ZNF230: variants seen among roughly 807,000 people sequenced by gnomAD.
ZNF230 encodes the protein zinc finger protein FDZF2.
A neutral mutation model predicts 10.0 loss-of-function variants in ZNF230; 12 were observed. The ratio of observed to expected loss-of-function variants is 1.20; its 90% CI spans 0.77 to 1.95. The LOEUF (loss-of-function observed/expected upper bound fraction) is 1.95, where lower values mean the gene tolerates loss of function less well. Among genes scored for constraint, ZNF230 ranks in the 30% most tolerant of loss-of-function variants. ZNF230 has a pLI of 0.00. For missense variants in ZNF230, 532 were observed against 565.8 expected (o/e 0.94, Z 0.61); for synonymous variants, 174 against 193.6 (o/e 0.90, Z 0.84).
chr19:44,003,368 T>C (rs1290348341), intron 1 of ZNF230: 4 of 152,246 alleles, frequency 2.6e-5, no homozygotes, highest in Non-Finnish European at 5.9e-5. Flanking sequence ...ATTAGAACCA[T>C]CCTAGTAGAA....
In ZNF230 at chr19:44,010,598, CAG is replaced by C. The variant is rs1334050515; in HGVS notation, c.564_565del (p.Arg188SerfsTer9). On this transcript the variant is annotated frameshift_variant, in exon 5 of 5. Coordinates refer to ENST00000429154, the MANE Select transcript of ZNF230 (RefSeq NM_006300.4). LOFTEE classifies it low-confidence loss of function (END_TRUNC). ...TTACATCTCAGCTCTTCGTATTCACCAGAGAGTTCACTTGAGAGAGAAACTCT... is the reference window on the plus strand; with the variant it reads ...TTACATCTCAGCTCTTCGTATTCACCAGAGTTCACTTGAGAGAGAAACTCT... ...FCYISALRIH[Q>X]RVHLREKLSK... 2 of 1,614,196 alleles carry C rather than the reference CAG, an allele frequency of 1.2e-6. No homozygotes were observed. Among genetic ancestry groups the C allele is most frequent in the East Asian group, 2.2e-5 (1 of 44,888 alleles).
rs1288422639 is a variant in ZNF230 at position 44,012,713 on chromosome 19, A to C, written c.*1249A>C. 4.5e-6 allele frequency: 1 copy of C among 222,452 alleles called. No individual in the cohort carries two copies. The highest frequency in any genetic ancestry group is 9.1e-6 in the Non-Finnish European group (1 of 109,894). 13.8% of individuals were successfully genotyped at this position (222,452 alleles called of 1,614,324 possible). A position where few individuals can be genotyped will look rare whatever the true frequency, so the allele number is the denominator to read the frequency against. On this transcript the variant is annotated 3_prime_UTR_variant, in exon 5 of 5. Coordinates refer to ENST00000429154, the MANE Select transcript of ZNF230 (RefSeq NM_006300.4). ...GCACTTACATGTTTAGTATGTGTTA[A>C]ATGACTCAAAAGGAGAAAATATGAT...
chr19:44,006,897 G>T, intron 1 of ZNF230, 114 bp from the exon 2 acceptor site: 1 of 494,604 alleles, frequency 2.0e-6, no homozygotes, highest in Non-Finnish European at 3.7e-6. Context: ...GCACAGTTTT[G>T]GGGTTAGTAT....
chr19:44,009,024 T>G, intron 3 of ZNF230, 60 bp from the exon 4 acceptor site: 1 of 1,605,488 alleles, frequency 6.2e-7, no homozygotes, highest in Non-Finnish European at 8.5e-7. Flanking sequence ...TCCAGTAAAT[T>G]TTACCTTGAT....
chr19:44,011,326 T>C lies in ZNF230; in HGVS notation c.1287T>C (p.Leu429=). The part of the protein sequence containing the change: ...PFKCEDCGKR[L]VHRSFCKDQQ... The stretch of plus-strand genomic sequence containing the variant: ...AATGTGAGGATTGTGGAAAGAGGCT[T>C]GTACACCGGTCTTTCTGTAAAGACC... The change falls in exon 5 of 5, where the codon CTT becomes CTC. Residue 429 remains leucine, a synonymous_variant. Transcript: ENST00000429154. The C allele has an allele frequency of 6.2e-7, 1 of 1,614,060 alleles. No homozygotes were observed. The highest frequency in any genetic ancestry group is 8.5e-7 in the Non-Finnish European group (1 of 1,179,948).
chr19:44,010,402 T>C lies in ZNF230; in HGVS notation c.363T>C (p.Asp121=). The C allele has an allele frequency of 1.2e-6, 2 of 1,614,240 alleles. No homozygotes were observed. Among genetic ancestry groups the C allele is most frequent in the East Asian group, 4.5e-5 (2 of 44,894 alleles). Reference sequence around the variant, plus strand: ...ATTCTCACTTCTTTGAACAAGGTGATGTCCCCTCCCAGGTTGAGGCAGGAC... The same window carrying C: ...ATTCTCACTTCTTTGAACAAGGTGACGTCCCCTCCCAGGTTGAGGCAGGAC... The part of the protein sequence containing the change: ...INNSHFFEQG[D]VPSQVEAGLS... The change falls in exon 5 of 5, where the codon GAT becomes GAC. Residue 121 remains aspartate (D), a synonymous_variant. Coordinates refer to ENST00000429154, the MANE Select transcript of ZNF230 (RefSeq NM_006300.4).
intron 1 of ZNF230, among the ~76,000 whole-genome samples, chr19:44,005,388 G>T (rs1465110762): frequency 2.0e-5 from 3 of 151,990 alleles, no homozygotes; most frequent in Non-Finnish European, 4.4e-5. Context: ...GTTGGTAAGA[G>T]GTATTTAAGA....
rs451388 is a variant in ZNF230, at chr19:44,002,969, G to C, written c.-207G>C. The C allele has an allele frequency of 0.15, 23,198 of 152,080 alleles. 2,257 individuals carry two copies. Among genetic ancestry groups the C allele is most frequent in the East Asian group, 0.47 (2,419 of 5,132 alleles). The allele number at this position is 152,080 out of a possible 1,614,324, so 9.4% of individuals were successfully genotyped here. On this transcript the variant is annotated 5_prime_UTR_variant, in exon 1 of 5. Coordinates refer to ENST00000429154, the MANE Select transcript of ZNF230 (RefSeq NM_006300.4). ...GAGCACTTCCGGTGTGTGAGCCTGC[G>C]GTTGCTACATAACCGCGTAGTTTGA...
In ZNF230 at chr19:44,011,483, A is replaced by G. The variant is rs779387144; in HGVS notation, c.*19A>G. On this transcript the variant is annotated 3_prime_UTR_variant, in exon 5 of 5. Coordinates refer to ENST00000429154, the MANE Select transcript of ZNF230 (RefSeq NM_006300.4). The stretch of plus-strand genomic sequence containing the variant: ...TATGTAAGTTGTACATATATATGGG[A>G]TATGGTATGAAATTTTAATATGTGT... The G allele has an allele frequency of 6.5e-7, 1 of 1,547,132 alleles. No homozygotes were observed. Among genetic ancestry groups the G allele is most frequent in the Non-Finnish European group, 8.7e-7 (1 of 1,147,276 alleles).
chr19:44,011,179 C>T lies in ZNF230; in HGVS notation c.1140C>T (p.Asn380=), dbSNP rs1313439000. The change falls in exon 5 of 5, where the codon AAC becomes AAT. Residue 380 remains asparagine (N), a synonymous_variant. Coordinates refer to ENST00000429154, the MANE Select transcript of ZNF230 (RefSeq NM_006300.4). ...GCTACATTAGTAAGTCAGGTCTTAA[C>T]TTGCACCAGAGGGTCCATACTGGAG... is the stretch of plus-strand genomic sequence containing the variant. ...GKGYISKSGL[N]LHQRVHTGER... is the part of the protein sequence containing the mutation. The T allele has an allele frequency of 8.1e-6, 13 of 1,614,044 alleles. No homozygotes were observed. In the South Asian group the frequency reaches 9.9e-5, roughly 12 times the overall value.
At position 44,011,819 on chromosome 19, in the gene ZNF230, G is replaced by A. The variant is rs1976187993; in HGVS notation, c.*355G>A. The A allele has an allele frequency of 9.1e-6, 2 of 219,752 alleles. No homozygotes were observed. Among genetic ancestry groups the A allele is most frequent in the South Asian group, 1.3e-4 (2 of 15,780 alleles). 13.6% of individuals were successfully genotyped at this position (219,752 alleles called of 1,614,324 possible). On this transcript the variant is annotated 3_prime_UTR_variant, in exon 5 of 5. Coordinates refer to ENST00000429154, the MANE Select transcript of ZNF230 (RefSeq NM_006300.4). ...TTTTTTAGCTTCCATATGTGTGTGA[G>A]GACAGTTAGTATTTATCTTACCTTG... is the stretch of plus-strand genomic sequence containing the variant.
intron 1 of ZNF230, chr19:44,004,690 C>T (rs1310236562): frequency 6.9e-6 from 1 of 144,554 alleles, no homozygotes; most frequent in African/African-American, 2.7e-5. Flanking sequence ...CAAGATCACG[C>T]CACTGCACTC....
At chr19:44,008,677 G>T in intron 2 of ZNF230, 113 bp from the exon 3 acceptor site, 1 of 1,319,220 alleles carries the variant, frequency 7.6e-7, no homozygotes. Context: ...CAGACAGAAT[G>T]AGTGGGAAAT....
intron 1 of ZNF230, among the ~76,000 whole-genome samples, chr19:44,005,844 G>A (rs190330369): frequency 3.9e-5 from 6 of 152,062 alleles, no homozygotes; most frequent in Admixed American, 2.6e-4. Flanking sequence ...AGCTGAGATC[G>A]CGCCACTGCA....
Position 44,008,081 on chromosome 19 carries a change from G to A in ZNF230, c.16-709G>A, listed in dbSNP as rs117107501. 3.7e-3 allele frequency among the ~76,000 whole-genome samples: 561 copies of A among 152,282 alleles called. 1 individual carries two copies. The highest frequency in any genetic ancestry group is 6.6e-3 in the Non-Finnish European group (452 of 68,026). Reference sequence around the variant, plus strand: ...AGCTGCCTAGAGTGGGTGGAGTCACGACTGCACTTGCCCCATTTGCACCAT... The same window carrying A: ...AGCTGCCTAGAGTGGGTGGAGTCACAACTGCACTTGCCCCATTTGCACCAT... On this transcript the variant is annotated intron_variant, in intron 2 of 4. Transcript: ENST00000429154.
In ZNF230 at chr19:44,011,424, A is replaced by C. The variant is rs1217980661; in HGVS notation, c.1385A>C (p.Asn462Thr). The C allele has an allele frequency of 6.2e-7, 1 of 1,603,894 alleles. No homozygotes were observed. The highest frequency in any genetic ancestry group is 8.5e-7 in the Non-Finnish European group (1 of 1,176,876). Residue 462 changes from asparagine to threonine, a missense_variant, in exon 5 of 5, where the codon AAT becomes ACT. Coordinates refer to ENST00000429154, the MANE Select transcript of ZNF230 (RefSeq NM_006300.4). ...GGGAAGCGCTACAAGAGGCGCTTGAATCTGGATATAATTTTATCATTATTT... is the reference window on the plus strand; with the variant it reads ...GGGAAGCGCTACAAGAGGCGCTTGACTCTGGATATAATTTTATCATTATTT... ...DCGKRYKRRL[N>T]LDIILSLFLN...
chr19:44,008,458 G>A (rs1331360503), intron 2 of ZNF230, among the ~76,000 whole-genome samples: 2 of 152,196 alleles, frequency 1.3e-5, no homozygotes, highest in Admixed American at 1.3e-4. Context: ...ATCAAACAAG[G>A]TTGAGACTGA....
At chr19:44,009,198 G>A in intron 4 of ZNF230, 28 bp downstream of exon 4, 1 of 1,607,968 alleles carries the variant, frequency 6.2e-7, no homozygotes, top group Non-Finnish European at 8.5e-7. Context: ...GTGTGTCCTT[G>A]TACATGACTT....
chr19:44,006,600 CTG>C (rs1440291660), intron 1 of ZNF230: 1 of 152,790 alleles, frequency 6.5e-6, no homozygotes, highest in Non-Finnish European at 1.5e-5. Context: ...CAGTTGGACT[CTG>C]TGCCCATTTA....
Sources: allele counts gnomAD v4.1 joint callset (sites outside exome capture counted in the v4.1 genomes callset), GRCh38; gene constraint gnomAD v4.1.1; transcripts MANE v1.5; gene names NCBI Gene and HGNC (gene_info 2026-07-23, HGNC 2026-07-21).